Variants in FUBP3 observed in about 807,000 individuals in gnomAD.
FUBP3 encodes far upstream element-binding protein 3.
Under a neutral mutation model 85.6 loss-of-function variants are expected in FUBP3, and 28 were observed. That is an observed-to-expected ratio of 0.33 (90% CI 0.24 to 0.45). FUBP3 has a LOEUF of 0.45. FUBP3 is among the 20% of genes least tolerant of loss of function. The pLI, the probability that FUBP3 is intolerant of heterozygous loss-of-function variation, is 1.00. For missense variants in FUBP3, 583 were observed against 755.1 expected, an observed-to-expected ratio of 0.77 and a Z score of 2.67; for synonymous variants, 271 against 271.4, an observed-to-expected ratio of 1.00 and a Z score of 0.01.
chr9:130,620,618 C>A (rs1194907114), intron 9 of FUBP3, among the ~76,000 whole-genome samples, 160 bp downstream of exon 9: 1 of 152,164 alleles, frequency 6.6e-6, no homozygotes, highest in African/African-American at 2.4e-5. Flanking sequence ...TGGACTGGAA[C>A]AGCAGCAGCC....
intron 15 of FUBP3, 65 bp downstream of exon 15, chr9:130,632,087 G>A (rs1032490837): frequency 5.4e-6 from 8 of 1,474,206 alleles, no homozygotes; most frequent in African/African-American, 1.4e-5. Context: ...GGCTATTGCC[G>A]ACAGGCAAGG....
rs1290351609 is a variant in FUBP3 at position 130,630,491 on chromosome 9, A to T, written c.1118-137A>T. ...TGGAACCACTTTGGAGTAAATAGAGACAACTTCTCTACTGTCAGGGCAAGT... is the reference window on the plus strand; with the variant it reads ...TGGAACCACTTTGGAGTAAATAGAGTCAACTTCTCTACTGTCAGGGCAAGT... On this transcript the variant is annotated intron_variant, in intron 12 of 18. Coordinates refer to ENST00000319725, the MANE Select transcript of FUBP3 (RefSeq NM_003934.2). The T allele has an allele frequency of 4.4e-5, 25 of 566,698 alleles. 1 individual carries two copies. The Admixed American group carries it at 9.8e-4, about 22-fold the overall frequency. 35.1% of individuals were successfully genotyped at this position (566,698 alleles called of 1,614,324 possible). A position where few individuals can be genotyped will look rare whatever the true frequency, so the allele number is the denominator to read the frequency against.
chr9:130,630,117 G>T lies in FUBP3; in HGVS notation c.1118-511G>T, dbSNP rs140082873. 2.1e-4 allele frequency among the ~76,000 whole-genome samples: 32 copies of T among 152,326 alleles called. No individual in the cohort carries two copies. The East Asian group carries it at 6.2e-3, about 29-fold the overall frequency. On this transcript the variant is annotated intron_variant, in intron 12 of 18. Transcript: ENST00000319725. The stretch of plus-strand genomic sequence containing the variant: ...TGACAGGGTGGGATACTGAAGGCCC[G>T]AGTGGGCTCCAGGCATGGTTGGGCC...
At chr9:130,596,271 A>G (rs1421920201) in intron 2 of FUBP3, among the ~76,000 whole-genome samples, 3 of 152,126 alleles carry the variant, frequency 2.0e-5, no homozygotes, top group Non-Finnish European at 4.4e-5. Context: ...AGTGAAGTAC[A>G]CTAGATTGAC....
chr9:130,591,026 G>A (rs1010472527), intron 1 of FUBP3, among the ~76,000 whole-genome samples: 35 of 133,560 alleles, frequency 2.6e-4, no homozygotes, highest in African/African-American at 9.2e-4. Flanking sequence ...TTTTTTTTTT[G>A]GTAAACTGAA....
At position 130,612,830 on chromosome 9, in the gene FUBP3, C is replaced by CG; in HGVS notation, c.275-121dup. On this transcript the variant is annotated intron_variant, in intron 4 of 18. Transcript: ENST00000319725. The surrounding 1 kb of genome is among the most constrained non-coding windows in gnomAD (Gnocchi z 4.1). ...TGCCCAAAGAGTGGAGATGGGCTCA[C>CG]GGGGGCCAACTCGATGTGTAGTATT... is the stretch of plus-strand genomic sequence containing the variant. 2.9e-6 allele frequency: 2 copies of CG among 699,640 alleles called. No homozygotes were observed. Among genetic ancestry groups the CG allele is most frequent in the Admixed American group, 2.4e-5 (1 of 41,674 alleles). The allele number at this position is 699,640 out of a possible 1,614,324, so 43.3% of individuals were successfully genotyped here.
chr9:130,612,953 C>T lies in FUBP3; in HGVS notation c.275-3C>T. 1 of 1,606,398 alleles carries T rather than the reference C, an allele frequency of 6.2e-7. No individual in the cohort carries two copies. The highest frequency in any genetic ancestry group is 8.5e-7 in the Non-Finnish European group (1 of 1,173,068). ...TATTCTGACCCTGTTCAATTTGTTTCAGTTATCGGCAGGGGAGGTGAGCAG... is the reference window on the plus strand; with the variant it reads ...TATTCTGACCCTGTTCAATTTGTTTTAGTTATCGGCAGGGGAGGTGAGCAG... On this transcript the variant is annotated splice_polypyrimidine_tract_variant and splice_region_variant and intron_variant, in intron 4 of 18. Coordinates refer to ENST00000319725, the MANE Select transcript of FUBP3 (RefSeq NM_003934.2). This position sits in a 1 kb window ranked among gnomAD's most constrained non-coding sequence, Gnocchi z 4.1.
intron 1 of FUBP3, among the ~76,000 whole-genome samples, chr9:130,588,055 G>A (rs1282172817): frequency 6.6e-6 from 1 of 152,144 alleles, no homozygotes; most frequent in Non-Finnish European, 1.5e-5. Context: ...CATCTCTGAT[G>A]ACAACAATAG....
intron 2 of FUBP3, among the ~76,000 whole-genome samples, chr9:130,605,530 C>G (rs1831381844): frequency 6.6e-6 from 1 of 152,250 alleles, no homozygotes; most frequent in African/African-American, 2.4e-5. Context: ...GCACCTTCCT[C>G]TTCAGTAAGA....
At chr9:130,631,041 T>C in intron 13 of FUBP3, 1 of 787,562 alleles carries the variant, frequency 1.3e-6, no homozygotes, top group East Asian at 3.8e-5. Context: ...CCAGAGCCGT[T>C]CCCCTGCGGG....
chr9:130,590,920 T>C (rs151247135), intron 1 of FUBP3, among the ~76,000 whole-genome samples: 170 of 152,284 alleles, frequency 1.1e-3, no homozygotes, highest in African/African-American at 3.9e-3. Flanking sequence ...TATCATTGAA[T>C]CTTCGACATA....
rs1175665349 is a variant in FUBP3 at position 130,631,646 on chromosome 9, C to T, written c.1352+16C>T. On this transcript the variant is annotated intron_variant, in intron 14 of 18. Transcript: ENST00000319725. Reference sequence around the variant, plus strand: ...CTCATCAAAAGTGAGTCTTTTGCATCAGTCTTGCCTGGGAGAATTCACTCG... The same window carrying T: ...CTCATCAAAAGTGAGTCTTTTGCATTAGTCTTGCCTGGGAGAATTCACTCG... 15 of 1,592,204 alleles carry T rather than the reference C, an allele frequency of 9.4e-6. No individual in the cohort carries two copies. The highest frequency in any genetic ancestry group is 1.7e-5 in the Admixed American group (1 of 59,962).
At chr9:130,587,210 G>A (rs189589424) in intron 1 of FUBP3, among the ~76,000 whole-genome samples, 89 of 152,010 alleles carry the variant, frequency 5.9e-4, no homozygotes, top group African/African-American at 1.8e-3. Flanking sequence ...GACTGCAGGC[G>A]TGCACCATCA....
chr9:130,622,716 G>A lies in FUBP3; in HGVS notation c.780G>A (p.Val260=), dbSNP rs746045481. 2.6e-6 allele frequency: 4 copies of A among 1,554,220 alleles called. No individual in the cohort carries two copies. Among genetic ancestry groups the A allele is most frequent in the Middle Eastern group, 1.7e-4 (1 of 5,920 alleles). The change falls in exon 10 of 19, where the codon GTG becomes GTA. Residue 260 remains valine (V), a synonymous_variant. Coordinates refer to ENST00000319725, the MANE Select transcript of FUBP3 (RefSeq NM_003934.2). ...GGTTTCTCTGTGCCTAGGTATCTGT[G>A]CCTAGGTTTGCTGTGGGGATTGTAA... ...RMGGGSIEVS[V]PRFAVGIVIG... is the part of the protein sequence containing the mutation.
chr9:130,600,548 T>C (rs112433734), intron 2 of FUBP3, among the ~76,000 whole-genome samples: 107 of 152,054 alleles, frequency 7.0e-4, no homozygotes, highest in Middle Eastern at 6.8e-3. Flanking sequence ...GAGGCTGGAG[T>C]GCAGTGGGGC....
intron 1 of FUBP3, among the ~76,000 whole-genome samples, chr9:130,590,465 T>C (rs910480600): frequency 4.6e-5 from 7 of 152,198 alleles, no homozygotes; most frequent in African/African-American, 1.7e-4. Flanking sequence ...TAAAATAGCA[T>C]GGGTAGTGAG....
intron 2 of FUBP3, among the ~76,000 whole-genome samples, chr9:130,604,052 G>A (rs934946494): frequency 5.9e-5 from 9 of 152,236 alleles, no homozygotes; most frequent in East Asian, 1.9e-4. Flanking sequence ...ATCACTCAGC[G>A]GTAAAACGGA....
At chr9:130,584,586 G>A (rs1235213170) in intron 1 of FUBP3, among the ~76,000 whole-genome samples, 5 of 150,128 alleles carry the variant, frequency 3.3e-5, no homozygotes, top group Admixed American at 6.7e-5. Context: ...GCAAGATTTC[G>A]GGCTGGGCAT....
rs1830512502 is a variant in FUBP3 at position 130,589,689 on chromosome 9, ATATATATATATATATATTTTTTTTT to A, written c.85-5792_85-5768del. On this transcript the variant is annotated intron_variant, in intron 1 of 18. Coordinates refer to ENST00000319725, the MANE Select transcript of FUBP3 (RefSeq NM_003934.2). ...TGTATGTGTGTGTATATATATATAT[ATATATATATATATATATTTTTTTTT>A]TTTTTTTTTTTTTTAAGAGACAGGG... 3.5e-4 allele frequency among the ~76,000 whole-genome samples: 10 copies of A among 28,466 alleles called. No homozygotes were observed. The Middle Eastern group carries it at 0.036, about 102-fold the overall frequency. 18.7% of individuals were successfully genotyped at this position (28,466 alleles called of 152,430 possible).
Sources: allele counts gnomAD v4.1 joint callset (sites outside exome capture counted in the v4.1 genomes callset), GRCh38; gene constraint gnomAD v4.1.1; non-coding constraint Gnocchi (gnomAD v3.1); transcripts MANE v1.5; gene names NCBI Gene and HGNC (gene_info 2026-07-23, HGNC 2026-07-21).